The following CEP76 variants were observed in gnomAD, a reference collection of about 807,000 sequenced individuals.
CEP76 encodes the protein centrosomal protein of 76 kDa.
CEP76 carries 55 observed loss-of-function variants against 83.3 expected under a neutral mutation model. The observed-to-expected ratio is 0.66, with a 90% confidence interval of 0.53 to 0.83. The LOEUF is 0.83. Among genes scored for constraint, CEP76 ranks in the 40% least tolerant of loss-of-function variants. CEP76 has a pLI of 0.00. For synonymous variants in CEP76, 270 were observed against 274.5 expected (o/e 0.98, Z 0.16); for missense variants, 694 against 799.5 (o/e 0.87, Z 1.59).
chr18:12,695,199 AAT>A, intron 6 of CEP76, 53 bp downstream of exon 6: 1 of 704,006 alleles, frequency 1.4e-6, no homozygotes, highest in Non-Finnish European at 2.3e-6. Context: ...TCAACAGGTA[AAT>A]ATACTACTAT....
Position 12,701,762 on chromosome 18 carries a change from ATG to A in CEP76, c.64-651_64-650del, listed in dbSNP as rs2040160258. 3.9e-5 allele frequency among the ~76,000 whole-genome samples: 6 copies of A among 152,288 alleles called. No individual in the cohort carries two copies. In the South Asian group the frequency reaches 1.2e-3, roughly 32 times the overall value. ...CAAACCCTTTAGTAACTTCTCTTCC[ATG>A]ACTTATTTGAGAATTGCTGATTGAA... is the stretch of plus-strand genomic sequence containing the variant. On this transcript the variant is annotated intron_variant, in intron 1 of 11. Transcript: ENST00000262127.
At chr18:12,688,865 A>G (rs768068610) in intron 7 of CEP76, among the ~76,000 whole-genome samples, 2 of 152,188 alleles carry the variant, frequency 1.3e-5, no homozygotes, top group Non-Finnish European at 2.9e-5. Context: ...CTATGATCCC[A>G]GCACTTTGGG....
chr18:12,697,826 G>A (rs181023120), intron 4 of CEP76, among the ~76,000 whole-genome samples: 5 of 151,452 alleles, frequency 3.3e-5, no homozygotes, highest in African/African-American at 9.6e-5. Flanking sequence ...ACAGCACATC[G>A]AATCTAGCAA....
intron 10 of CEP76, among the ~76,000 whole-genome samples, chr18:12,675,496 G>A (rs1199895267): frequency 6.6e-6 from 1 of 152,116 alleles, no homozygotes; most frequent in Non-Finnish European, 1.5e-5. Flanking sequence ...CTACAGAGGT[G>A]AGAAAAGTCA....
chr18:12,675,971 T>A (rs990544624), intron 10 of CEP76, among the ~76,000 whole-genome samples: 1 of 152,034 alleles, frequency 6.6e-6, no homozygotes, highest in Non-Finnish European at 1.5e-5. Context: ...GCCCAGCCCA[T>A]GATTCCATTT....
At chr18:12,689,764 TTA>T (rs146278847) in intron 7 of CEP76, among the ~76,000 whole-genome samples, 5 of 150,758 alleles carry the variant, frequency 3.3e-5, no homozygotes, top group African/African-American at 7.3e-5. Flanking sequence ...GGGAGCCAGT[TTA>T]TATATATATA....
At chr18:12,672,392 A>G (rs1468510438), downstream of CEP76, among the ~76,000 whole-genome samples, 2 of 152,254 alleles carry the variant, frequency 1.3e-5, no homozygotes, top group Non-Finnish European at 2.9e-5. Flanking sequence ...CTGGGATTAC[A>G]GGCATAAACC....
At position 12,701,102 on chromosome 18, in the gene CEP76, A is replaced by G. The variant is rs765489858; in HGVS notation, c.75T>C (p.His25=). 2 of 1,611,412 alleles carry G rather than the reference A, an allele frequency of 1.2e-6. No homozygotes were observed. Among genetic ancestry groups the G allele is most frequent in the East Asian group, 4.5e-5 (2 of 44,844 alleles). The change falls in exon 2 of 12, where the codon CAT becomes CAC. Residue 25 remains histidine (H), a synonymous_variant. Transcript: ENST00000262127. ...IHQQLSKMDV[H]GRIREILAET... is the part of the protein sequence containing the mutation. ...CAGCAAGGATTTCTCTTATTCTACC[A>G]TGGACATCCATCTATGTAGAAAACT...
At chr18:12,691,559 T>C in intron 6 of CEP76, 72 bp from the exon 7 acceptor site, 6 of 1,132,246 alleles carry the variant, frequency 5.3e-6, no homozygotes, top group East Asian at 2.6e-5. Context: ...GTAGCAAATT[T>C]ATCTACTTCT....
chr18:12,687,009 A>T (rs764908573), intron 7 of CEP76, among the ~76,000 whole-genome samples: 20 of 152,182 alleles, frequency 1.3e-4, no homozygotes, highest in Admixed American at 2.6e-4. Context: ...TTTACATCCT[A>T]AATACAGGAT....
chr18:12,682,294 A>AT (rs1228638213), intron 8 of CEP76, among the ~76,000 whole-genome samples: 2 of 152,018 alleles, frequency 1.3e-5, no homozygotes, highest in Middle Eastern at 3.4e-3. Flanking sequence ...AGCTCAAGTG[A>AT]TTCCCCCGCC....
At chr18:12,689,269 T>A (rs1354547542) in intron 7 of CEP76, among the ~76,000 whole-genome samples, 1 of 135,492 alleles carries the variant, frequency 7.4e-6, no homozygotes, top group Non-Finnish European at 1.7e-5. Context: ...TCAGAACTAG[T>A]CAAATACAGG....
At chr18:12,692,555 T>C (rs1443344640) in intron 6 of CEP76, among the ~76,000 whole-genome samples, 1 of 151,708 alleles carries the variant, frequency 6.6e-6, no homozygotes, top group East Asian at 1.9e-4. Context: ...CTTCCTGTTG[T>C]TCAGACTCTT....
intron 7 of CEP76, among the ~76,000 whole-genome samples, chr18:12,687,297 C>T (rs767445779): frequency 5.3e-5 from 8 of 152,166 alleles, no homozygotes; most frequent in Middle Eastern, 3.4e-3. Context: ...ACAACCAGAA[C>T]ATCTTTTTCC....
intron 10 of CEP76, among the ~76,000 whole-genome samples, chr18:12,675,221 C>G (rs2039080255): frequency 6.6e-6 from 1 of 152,038 alleles, no homozygotes; most frequent in South Asian, 2.1e-4. Flanking sequence ...AAGGTGAAAC[C>G]CTGTATCTAC....
chr18:12,668,932 G>T (rs1441567612), downstream of CEP76, among the ~76,000 whole-genome samples: 1 of 149,946 alleles, frequency 6.7e-6, no homozygotes, highest in East Asian at 2.0e-4. Context: ...GTAGAGACGG[G>T]GTTTCATCAA....
intron 11 of CEP76, among the ~76,000 whole-genome samples, chr18:12,673,747 G>A (rs915718080): frequency 3.3e-5 from 5 of 152,128 alleles, no homozygotes; most frequent in Non-Finnish European, 4.4e-5. Context: ...CGCGTGTGGT[G>A]GCGGGCGTCT....
At chr18:12,665,931 G>C (rs375541824) in intron 12 of CEP76, among the ~76,000 whole-genome samples, 3 of 152,064 alleles carry the variant, frequency 2.0e-5, no homozygotes, top group Non-Finnish European at 2.9e-5. Context: ...GCCTGACCCC[G>C]TGATCTGCCC....
intron 8 of CEP76, among the ~76,000 whole-genome samples, chr18:12,683,294 G>A (rs1296582880): frequency 6.6e-6 from 1 of 151,592 alleles, no homozygotes; most frequent in Admixed American, 6.6e-5. Flanking sequence ...GGAGGTTGCA[G>A]TGAGTCGAGA....
Sources: gnomAD v4.1 joint callset for allele counts (sites outside exome capture counted in the v4.1 genomes callset) on GRCh38, gnomAD v4.1.1 for gene constraint, MANE v1.5 for transcripts, NCBI Gene and HGNC (gene_info 2026-07-23, HGNC 2026-07-21) for gene names.